The following TMEM117 variants were observed in gnomAD, a reference collection of about 807,000 sequenced individuals.
TMEM117 encodes transmembrane protein 117.
TMEM117 carries 27 observed loss-of-function variants against 52.4 expected under a neutral mutation model. The ratio of observed to expected loss-of-function variants is 0.51; its 90% CI spans 0.38 to 0.71. TMEM117 has a LOEUF of 0.71. Among genes scored for constraint, TMEM117 ranks in the 30% least tolerant of loss-of-function variants. The pLI is 0.00. For missense variants in TMEM117, 556 were observed against 630.5 expected (o/e 0.88, Z 1.26); for synonymous variants, 215 against 206.3 (o/e 1.04, Z -0.36).
chr12:44,117,499 C>T (rs1225652293), intron 3 of TMEM117, among the ~76,000 whole-genome samples: 1 of 152,094 alleles, frequency 6.6e-6, no homozygotes, highest in Non-Finnish European at 1.5e-5. Context: ...CCATTCTGTC[C>T]TGGGGCTCTG....
At chr12:44,170,309 G>T (rs1164188556) in intron 4 of TMEM117, among the ~76,000 whole-genome samples, 4 of 102,216 alleles carry the variant, frequency 3.9e-5, no homozygotes, top group Non-Finnish European at 7.3e-5. Flanking sequence ...TGGGGGGAGG[G>T]GGGAGGGATA....
At chr12:43,833,409 T>G (rs61930677), upstream of TMEM117, among the ~76,000 whole-genome samples, 1 of 152,226 alleles carries the variant, frequency 6.6e-6, no homozygotes, top group Non-Finnish European at 1.5e-5. Flanking sequence ...CAATATATTT[T>G]TCAGCCTCTT....
intron 3 of TMEM117, among the ~76,000 whole-genome samples, chr12:44,042,352 ATT>A (rs61531024): frequency 2.0e-5 from 3 of 149,700 alleles, no homozygotes; most frequent in Admixed American, 6.6e-5. Flanking sequence ...TAAAATCTTA[ATT>A]TTTTTTTCAA....
At chr12:44,025,303 T>C (rs1946516140) in intron 3 of TMEM117, among the ~76,000 whole-genome samples, 1 of 152,204 alleles carries the variant, frequency 6.6e-6, no homozygotes, top group South Asian at 2.1e-4. Flanking sequence ...GTGCAGCTGA[T>C]TGGATTCATC....
intron 5 of TMEM117, among the ~76,000 whole-genome samples, chr12:44,266,415 A>G (rs937449451): frequency 5.3e-5 from 8 of 152,246 alleles, no homozygotes; most frequent in Middle Eastern, 3.4e-3. Flanking sequence ...CCATGTTTAT[A>G]TCTTTCCTGG....
At chr12:44,247,892 T>C (rs1035818736) in intron 5 of TMEM117, among the ~76,000 whole-genome samples, 2 of 152,088 alleles carry the variant, frequency 1.3e-5, no homozygotes, top group African/African-American at 4.8e-5. Flanking sequence ...ATGCTCTCTC[T>C]CCCACCGCCT....
chr12:44,018,137 T>C (rs951262343), intron 3 of TMEM117, among the ~76,000 whole-genome samples: 1 of 152,164 alleles, frequency 6.6e-6, no homozygotes. Context: ...ACACAACCTT[T>C]TTCTGCCTTT....
chr12:44,223,661 C>A (rs1949820459), intron 5 of TMEM117, among the ~76,000 whole-genome samples: 1 of 152,156 alleles, frequency 6.6e-6, no homozygotes, highest in African/African-American at 2.4e-5. Context: ...TAAACCAAAG[C>A]ACCCTCTTCT....
chr12:43,813,205 C>T, the TMEM117 span, among the ~76,000 whole-genome samples: 1 of 139,080 alleles, frequency 7.2e-6, no homozygotes, highest in East Asian at 2.1e-4. Context: ...CTATTTCATT[C>T]AGGTTTTCTG....
At chr12:44,219,817 G>A (rs1297020169) in intron 5 of TMEM117, among the ~76,000 whole-genome samples, 2 of 152,048 alleles carry the variant, frequency 1.3e-5, no homozygotes, top group Non-Finnish European at 2.9e-5. Context: ...CATCTACTAG[G>A]GAGATAACAT....
chr12:44,188,693 A>G (rs771565666), intron 4 of TMEM117, among the ~76,000 whole-genome samples: 13 of 152,036 alleles, frequency 8.6e-5, no homozygotes, highest in Non-Finnish European at 1.8e-4. Flanking sequence ...TACAATTGCA[A>G]CCATCCCCCT....
chr12:44,249,980 A>C (rs2138508632), intron 5 of TMEM117, among the ~76,000 whole-genome samples: 1 of 152,330 alleles, frequency 6.6e-6, no homozygotes, highest in Middle Eastern at 3.4e-3. Flanking sequence ...ATAAAATCCA[A>C]AATTCACAAA....
intron 4 of TMEM117, among the ~76,000 whole-genome samples, chr12:44,198,550 A>G (rs1353044139): frequency 6.6e-6 from 1 of 152,134 alleles, no homozygotes; most frequent in Admixed American, 6.6e-5. Flanking sequence ...TAGGATGGAC[A>G]CACACCCAAA....
intron 2 of TMEM117, among the ~76,000 whole-genome samples, chr12:43,896,893 T>G (rs1257144112): frequency 1.3e-5 from 2 of 152,168 alleles, no homozygotes; most frequent in Non-Finnish European, 1.5e-5. Flanking sequence ...ATTTAATATA[T>G]TTTTGTGTCA....
intron 6 of TMEM117, among the ~76,000 whole-genome samples, chr12:44,374,122 C>T (rs971030660): frequency 5.3e-5 from 8 of 152,020 alleles, no homozygotes; most frequent in Non-Finnish European, 1.2e-4. Flanking sequence ...ACATGTTCTG[C>T]AAAACATTAG....
At chr12:43,887,310 C>T (rs1944015106) in intron 2 of TMEM117, among the ~76,000 whole-genome samples, 1 of 152,172 alleles carries the variant, frequency 6.6e-6, no homozygotes, top group Admixed American at 6.5e-5. Context: ...TAGCTATTCC[C>T]TGGGGAGAGT....
At chr12:44,059,976 G>A (rs1056143265) in intron 3 of TMEM117, among the ~76,000 whole-genome samples, 5 of 152,142 alleles carry the variant, frequency 3.3e-5, no homozygotes, top group African/African-American at 1.2e-4. Flanking sequence ...CTATAACGAA[G>A]TTTAGGTACA....
chr12:44,022,062 A>G (rs967656713), intron 3 of TMEM117, among the ~76,000 whole-genome samples: 1 of 152,236 alleles, frequency 6.6e-6, no homozygotes, highest in Non-Finnish European at 1.5e-5. Flanking sequence ...ATCTACATGA[A>G]GGATGCATTA....
At chr12:43,817,613 C>A in the TMEM117 span, among the ~76,000 whole-genome samples, 1 of 152,106 alleles carries the variant, frequency 6.6e-6, no homozygotes, top group African/African-American at 2.4e-5. Context: ...AAAAAAATCA[C>A]CTTTTATTTT....
Sources: gnomAD v4.1 joint callset for allele counts (sites outside exome capture counted in the v4.1 genomes callset) on GRCh38, gnomAD v4.1.1 for gene constraint, MANE v1.5 for transcripts, NCBI Gene and HGNC (gene_info 2026-07-23, HGNC 2026-07-21) for gene names.